Variants in MARVELD3 observed in about 807,000 individuals in gnomAD.
MARVELD3 encodes MARVEL domain-containing protein 3.
MARVELD3 carries 28 observed loss-of-function variants against 33.5 expected under a neutral mutation model. The ratio of observed to expected loss-of-function variants is 0.84; its 90% CI spans 0.62 to 1.15. The LOEUF (loss-of-function observed/expected upper bound fraction) is 1.15, where lower values mean the gene tolerates loss of function less well. MARVELD3 is among the 50% of genes most tolerant of loss of function. The pLI, the probability that MARVELD3 is intolerant of heterozygous loss-of-function variation, is 0.00. For synonymous variants in MARVELD3, 241 were observed against 230.4 expected, an observed-to-expected ratio of 1.05 and a Z score of -0.42; for missense variants, 582 against 547.6, an observed-to-expected ratio of 1.06 and a Z score of -0.63.
intron 1 of MARVELD3, chr16:71,628,941 C>G (rs1401064550): frequency 6.3e-6 from 1 of 157,694 alleles, no homozygotes; most frequent in East Asian, 1.9e-4. Context: ...AGCTCCCATG[C>G]TCCTGGAGAG....
At position 71,633,980 on chromosome 16, in the gene MARVELD3, C is replaced by A. The variant is rs554336896; in HGVS notation, c.596-213C>A. On this transcript the variant is annotated intron_variant, in intron 2 of 2. Coordinates refer to ENST00000268485, the MANE Select transcript of MARVELD3 (RefSeq NM_052858.6). ...CACCGCTTTGCTCTTTTGAGAGTCACCCCTCTGAGTCCATAGTATTTCTGG... is the reference window on the plus strand; with the variant it reads ...CACCGCTTTGCTCTTTTGAGAGTCAACCCTCTGAGTCCATAGTATTTCTGG... 8.5e-4 allele frequency among the ~76,000 whole-genome samples: 130 copies of A among 152,238 alleles called. 1 individual carries two copies. Among genetic ancestry groups the A allele is most frequent in the African/African-American group, 3.1e-3 (127 of 41,542 alleles).
Position 71,626,751 on chromosome 16 carries a change from C to G in MARVELD3, c.467+55C>G. ...GCGCCGGGGACACCTGTGGCCCAGG[C>G]CGGCCCGCGAGGCCCTGGCGTCCCC... is the stretch of plus-strand genomic sequence containing the variant. On this transcript the variant is annotated intron_variant, in intron 1 of 2. Transcript: ENST00000268485. This position sits in a 1 kb window ranked among gnomAD's most constrained non-coding sequence, Gnocchi z 5.3. 7.4e-7 allele frequency: 1 copy of G among 1,358,656 alleles called. No homozygotes were observed. Among genetic ancestry groups the G allele is most frequent in the Non-Finnish European group, 9.5e-7 (1 of 1,053,624 alleles). 84.2% of individuals were successfully genotyped at this position (1,358,656 alleles called of 1,614,324 possible).
Position 71,634,517 on chromosome 16 carries a change from G to C in MARVELD3, c.920G>C (p.Gly307Ala), listed in dbSNP as rs368439463. The C allele has an allele frequency of 2.5e-6, 4 of 1,614,056 alleles. No individual in the cohort carries two copies. The African/African-American group carries it at 4.0e-5, about 16-fold the overall frequency. ...TGTCCACTGTTGCTGGTGACCGAAGGCTTGTTGGACATGCTCATCGCGGGG... is the reference window on the plus strand; with the variant it reads ...TGTCCACTGTTGCTGGTGACCGAAGCCTTGTTGGACATGCTCATCGCGGGG... ...WHCPLLLVTE[G>A]LLDMLIAGGY... Residue 307 changes from glycine to alanine, a missense_variant, in exon 3 of 3, where the codon GGC (glycine) becomes GCC (alanine). By Grantham distance (60) the Gly-to-Ala change is moderately conservative. Transcript: ENST00000268485.
chr16:71,634,900 C>G lies in MARVELD3; in HGVS notation c.*97C>G, dbSNP rs1049802877. 5 of 1,500,202 alleles carry G rather than the reference C, an allele frequency of 3.3e-6. No homozygotes were observed. The African/African-American group carries it at 7.0e-5, about 21-fold the overall frequency. The allele number at this position is 1,500,202 out of a possible 1,614,324, so 92.9% of individuals were successfully genotyped here. A position where few individuals can be genotyped will look rare whatever the true frequency, so the allele number is the denominator to read the frequency against. ...TCCCTTGTTGTGGAAGTTTCCAGTG[C>G]TGGAAAAGCAGCGAGCCAGCGTTGG... On this transcript the variant is annotated 3_prime_UTR_variant, in exon 3 of 3. Coordinates refer to ENST00000268485, the MANE Select transcript of MARVELD3 (RefSeq NM_052858.6).
chr16:71,629,306 T>G, intron 1 of MARVELD3, 61 bp from the exon 2 acceptor site: 2 of 1,490,640 alleles, frequency 1.3e-6, no homozygotes, highest in Non-Finnish European at 1.8e-6. Flanking sequence ...TCAAGAGTTC[T>G]AATCCTGAAC....
At chr16:71,629,731 AG>A in intron 2 of MARVELD3, 1 of 480,102 alleles carries the variant, frequency 2.1e-6, no homozygotes, top group Non-Finnish European at 3.5e-6. Context: ...GGGTTTGCAA[AG>A]GCAAGCAGCC....
At position 71,635,571 on chromosome 16, in the gene MARVELD3, C is replaced by T; in HGVS notation, c.*768C>T. 3 of 981,596 alleles carry T rather than the reference C, an allele frequency of 3.1e-6. No individual in the cohort carries two copies. The highest frequency in any genetic ancestry group is 3.6e-6 in the Non-Finnish European group (3 of 826,760). The allele number at this position is 981,596 out of a possible 1,614,324, so 60.8% of individuals were successfully genotyped here. On this transcript the variant is annotated 3_prime_UTR_variant, in exon 3 of 3. Transcript: ENST00000268485. Reference sequence around the variant, plus strand: ...GCAGTGCGCTATGATTGTCCCACTACACTCTAGCCTGAGCAACAGACCAAG... The same window carrying T: ...GCAGTGCGCTATGATTGTCCCACTATACTCTAGCCTGAGCAACAGACCAAG...
At chr16:71,627,564 C>T (rs990688015) in intron 1 of MARVELD3, among the ~76,000 whole-genome samples, 16 of 151,898 alleles carry the variant, frequency 1.1e-4, no homozygotes, top group Non-Finnish European at 2.2e-4. Flanking sequence ...ACAAAGTCTA[C>T]GTAAAATTCT....
downstream of MARVELD3, chr16:71,640,976 G>T (rs765406380): frequency 1.2e-6 from 2 of 1,613,348 alleles, no homozygotes; most frequent in South Asian, 2.2e-5. Flanking sequence ...GCCGAGAACA[G>T]CCCGGAAGTT....
Position 71,626,338 on chromosome 16 carries a change from C to G in MARVELD3, c.109C>G (p.Arg37Gly). The G allele has an allele frequency of 1.3e-6, 2 of 1,548,186 alleles. No homozygotes were observed. The highest frequency in any genetic ancestry group is 1.7e-6 in the Non-Finnish European group (2 of 1,146,738). Reference protein sequence around the residue: ...QGRTHDRPRDRPGDPRRKRSS... With the variant: ...QGRTHDRPRDGPGDPRRKRSS... ...CCGCACCCACGATCGACCGCGGGAC[C>G]GACCCGGGGACCCGCGCAGGAAGCG... Residue 37 changes from arginine to glycine, a missense_variant, in exon 1 of 3, where the codon CGA becomes GGA. Arg to Gly is a moderately radical substitution (Grantham distance 125). Transcript: ENST00000268485. The surrounding 1 kb of genome is among the most constrained non-coding windows in gnomAD (Gnocchi z 5.3).
chr16:71,634,459 G>C lies in MARVELD3; in HGVS notation c.862G>C (p.Val288Leu). 6.2e-7 allele frequency: 1 copy of C among 1,614,150 alleles called. No homozygotes were observed. The change falls in exon 3 of 3, where the codon GTT becomes CTT. Residue 288 changes from valine to leucine, a missense_variant. Physicochemically the swap from Val to Leu is conservative, Grantham distance 32. Transcript: ENST00000268485. The stretch of plus-strand genomic sequence containing the variant: ...CCTCACAGCCCTCTGCTGCCTCTTC[G>C]TTGCCATGGGTGTCCTGCGGGTCCC... ...GALTALCCLF[V>L]AMGVLRVPWH...
At chr16:71,629,768 T>C (rs1436376345) in intron 2 of MARVELD3, 2 of 447,210 alleles carry the variant, frequency 4.5e-6, no homozygotes, top group Non-Finnish European at 7.7e-6. Context: ...AGACTCCAGG[T>C]GGAAGTGCAG....
Position 71,634,699 on chromosome 16 carries a change from G to C in MARVELD3, c.1102G>C (p.Ala368Pro), listed in dbSNP as rs1438063679. The change falls in exon 3 of 3, where the codon GCC becomes CCC. Residue 368 changes from alanine (A) to proline (P), a missense_variant. By Grantham distance (27) the Ala-to-Pro change is conservative. Transcript: ENST00000268485. The part of the protein sequence containing the change: ...GADIGAGIFA[A>P]LGIVVFALGA... ...AGATATAGGAGCTGGAATCTTTGCT[G>C]CCCTGGGCATTGTGGTCTTTGCCCT... The C allele has an allele frequency of 6.2e-7, 1 of 1,614,218 alleles. No homozygotes were observed. Among genetic ancestry groups the C allele is most frequent in the Non-Finnish European group, 8.5e-7 (1 of 1,180,050 alleles).
intron 2 of MARVELD3, 169 bp downstream of exon 2, chr16:71,629,663 A>T (rs2044509643): frequency 1.6e-6 from 1 of 628,146 alleles, no homozygotes; most frequent in African/African-American, 2.0e-5. Context: ...AAAAAAAAAA[A>T]GGAGGAACGT....
intron 1 of MARVELD3, among the ~76,000 whole-genome samples, chr16:71,628,262 C>T (rs1018615400): frequency 4.6e-5 from 7 of 152,088 alleles, no homozygotes; most frequent in South Asian, 2.1e-4. Context: ...GAGCCGGACG[C>T]GGTGGCTCAC....
At chr16:71,629,269 G>A (rs2044504056) in intron 1 of MARVELD3, 98 bp from the exon 2 acceptor site, 2 of 1,293,152 alleles carry the variant, frequency 1.5e-6, no homozygotes, top group Non-Finnish European at 2.1e-6. Context: ...TTTCTGTTCT[G>A]CTAATATTTG....
chr16:71,630,493 T>A (rs11075893), intron 2 of MARVELD3, among the ~76,000 whole-genome samples: 38 of 151,466 alleles, frequency 2.5e-4, no homozygotes, highest in African/African-American at 8.0e-4. Context: ...GGGTGGTGGC[T>A]CATGCCTGTA....
chr16:71,640,513 A>C, downstream of MARVELD3: 1 of 1,614,086 alleles, frequency 6.2e-7, no homozygotes, highest in Non-Finnish European at 8.5e-7. Context: ...GGGAACAACT[A>C]CTACTCACCG....
In MARVELD3 at chr16:71,634,335, C is replaced by T. The variant is rs1252292501; in HGVS notation, c.738C>T (p.Gly246=). The change falls in exon 3 of 3, where the codon GGC becomes GGT. Residue 246 remains glycine (G), a synonymous_variant. Coordinates refer to ENST00000268485, the MANE Select transcript of MARVELD3 (RefSeq NM_052858.6). The part of the protein sequence containing the change: ...YYYQFGGAYS[G]FDGADGEKAQ... ...ATCAGTTCGGAGGGGCTTACAGTGG[C>T]TTTGATGGTGCTGACGGGGAGAAGG... 2.5e-6 allele frequency: 4 copies of T among 1,614,166 alleles called. No homozygotes were observed. Among genetic ancestry groups the T allele is most frequent in the Non-Finnish European group, 3.4e-6 (4 of 1,180,042 alleles).
Sources: allele counts gnomAD v4.1 joint callset (sites outside exome capture counted in the v4.1 genomes callset), GRCh38; gene constraint gnomAD v4.1.1; non-coding constraint Gnocchi (gnomAD v3.1); transcripts MANE v1.5; gene names NCBI Gene and HGNC (gene_info 2026-07-23, HGNC 2026-07-21).